Variants in COL4A2 observed in about 807,000 individuals in gnomAD.
COL4A2 encodes collagen type IV alpha 2 chain, also known as collagen alpha-2(IV) chain.
In COL4A2, 99 loss-of-function variants were observed where a neutral mutation model predicts 200.2. The ratio of observed to expected loss-of-function variants is 0.49; its 90% confidence interval spans 0.42 to 0.58. The LOEUF is 0.58. COL4A2 is among the 20% of genes least tolerant of loss of function. The probability of loss-of-function intolerance (pLI) is 0.00; values close to 1 mark genes in which losing one functional copy is unlikely to be tolerated. For synonymous variants in COL4A2, 897 were observed against 900.6 expected (o/e 1.00, Z 0.07); for missense variants, 1,950 against 2,314.1 (o/e 0.84, Z 3.23).
chr13:110,432,204 C>A (rs1359830683), intron 10 of COL4A2, 121 bp from the exon 11 acceptor site: 3 of 1,213,420 alleles, frequency 2.5e-6, no homozygotes, highest in East Asian at 3.1e-5. Flanking sequence ...TCAGAAACCT[C>A]CATGCATCCT....
intron 40 of COL4A2, among the ~76,000 whole-genome samples, chr13:110,500,134 C>T (rs1399577250): frequency 1.3e-5 from 2 of 152,222 alleles, no homozygotes; most frequent in Non-Finnish European, 2.9e-5. Context: ...ATAATGGATA[C>T]CAGGATCTTC....
chr13:110,436,495 T>C (rs968548673), intron 13 of COL4A2, 128 bp downstream of exon 13: 27 of 1,265,984 alleles, frequency 2.1e-5, no homozygotes, highest in Middle Eastern at 2.4e-4. Flanking sequence ...ACATTACCCA[T>C]GAAAACATAA....
rs184154442 is a variant in COL4A2, at chr13:110,486,803, G to A, written c.3207+967G>A. ...AGGAGTGGGGGTCACAAGGTGCTCA[G>A]TAGGGGAGCTTTTGAGCCAGGCTGA... is the stretch of plus-strand genomic sequence containing the variant. On this transcript the variant is annotated intron_variant, in intron 34 of 47. Transcript: ENST00000360467. Among the ~76,000 whole-genome samples the A allele has an allele frequency of 3.5e-3, 537 of 152,292 alleles. 4 individuals are homozygous for A. Among genetic ancestry groups the A allele is most frequent in the African/African-American group, 0.012 (490 of 41,550 alleles).
intron 40 of COL4A2, 143 bp from the exon 41 acceptor site, chr13:110,501,525 G>A (rs1052696478): frequency 3.0e-6 from 2 of 659,210 alleles, no homozygotes; most frequent in African/African-American, 3.7e-5. Flanking sequence ...ACCATGAGAT[G>A]TTCCTTGGCC....
intron 3 of COL4A2, among the ~76,000 whole-genome samples, chr13:110,333,875 C>T (rs748702085): frequency 2.0e-5 from 3 of 152,212 alleles, no homozygotes; most frequent in African/African-American, 7.2e-5. Context: ...GTGCTTTACA[C>T]GAATGACCTC....
rs757264758 is a variant in COL4A2 at position 110,450,378 on chromosome 13, C to T, written c.1263C>T (p.Tyr421=). Residue 421 remains tyrosine (Y), a synonymous_variant, in exon 20 of 48, where the codon TAC becomes TAT. Transcript: ENST00000360467. ...FIGDPGIPAL[Y]GGPPGPDGKR... ...GAGACCCCGGCATCCCTGCGCTCTA[C>T]GGGGGCCCACCTGGACCTGATGGAA... The T allele has an allele frequency of 2.1e-5, 34 of 1,613,882 alleles. No homozygotes were observed. Among genetic ancestry groups the T allele is most frequent in the Middle Eastern group, 1.6e-4 (1 of 6,080 alleles).
chr13:110,400,101 A>G (rs1432726940), intron 4 of COL4A2, among the ~76,000 whole-genome samples: 2 of 151,698 alleles, frequency 1.3e-5, no homozygotes, highest in Non-Finnish European at 1.5e-5. Flanking sequence ...TGCTTCTGCA[A>G]CCTCACTAAC....
chr13:110,472,813 T>A lies in COL4A2; in HGVS notation c.2204-116T>A. ...AGGGACAAGGGCTCGAGCTGAGGAATGCCTTCTGAGGACCCCATAGCCAAA... is the reference window on the plus strand; with the variant it reads ...AGGGACAAGGGCTCGAGCTGAGGAAAGCCTTCTGAGGACCCCATAGCCAAA... On this transcript the variant is annotated intron_variant, in intron 28 of 47. Transcript: ENST00000360467. 3.7e-6 allele frequency: 3 copies of A among 820,182 alleles called. No individual in the cohort carries two copies. In the South Asian group the frequency reaches 4.7e-5, roughly 13 times the overall value. The allele number at this position is 820,182 out of a possible 1,614,324, so 50.8% of individuals were successfully genotyped here.
At position 110,507,965 on chromosome 13, in the gene COL4A2, G is replaced by A. The variant is rs1287472634; in HGVS notation, c.4625G>A (p.Ser1542Asn). 6.2e-7 allele frequency: 1 copy of A among 1,613,964 alleles called. No homozygotes were observed. The highest frequency in any genetic ancestry group is 1.3e-5 in the African/African-American group (1 of 74,924). ...GLAGSCLARFSTMPFLYCNPG... is the reference protein window; with the variant it reads ...GLAGSCLARFNTMPFLYCNPG... ...GCGGGCTCCTGCCTGGCGCGGTTCAGCACCATGCCCTTCCTGTACTGCAAC... is the reference window on the plus strand; with the variant it reads ...GCGGGCTCCTGCCTGGCGCGGTTCAACACCATGCCCTTCCTGTACTGCAAC... Residue 1542 changes from serine (S) to asparagine (N), a missense_variant, in exon 47 of 48, where the codon AGC becomes AAC. Transcript: ENST00000360467.
chr13:110,400,807 T>C (rs1879347416), intron 4 of COL4A2, among the ~76,000 whole-genome samples: 1 of 152,210 alleles, frequency 6.6e-6, no homozygotes. Flanking sequence ...ATATTCTGGT[T>C]ACACAGGAAG....
Position 110,343,069 on chromosome 13 carries a change from G to A in COL4A2, c.100-14403G>A, listed in dbSNP as rs75947053. 2.4e-3 allele frequency among the ~76,000 whole-genome samples: 369 copies of A among 152,242 alleles called. 1 individual carries two copies. The highest frequency in any genetic ancestry group is 8.5e-3 in the African/African-American group (355 of 41,536). On this transcript the variant is annotated intron_variant, in intron 3 of 47. Transcript: ENST00000360467. ...ATTAGCCTTATCGACAGAGGTTAGC[G>A]TCCAAAACTTGGTCTAACCTAGTCC...
intron 4 of COL4A2, among the ~76,000 whole-genome samples, chr13:110,417,878 G>A (rs926486663): frequency 8.6e-5 from 13 of 152,016 alleles, no homozygotes; most frequent in African/African-American, 2.9e-4. Flanking sequence ...TACAGGTCTC[G>A]GTGTGGATAT....
chr13:110,321,206 G>GTATA (rs1392839509), intron 3 of COL4A2, among the ~76,000 whole-genome samples: 1 of 118,800 alleles, frequency 8.4e-6, no homozygotes, highest in Non-Finnish European at 1.8e-5. Context: ...ATGTGTCTGT[G>GTATA]TGTATATATA....
At chr13:110,334,351 C>T (rs1388147390) in intron 3 of COL4A2, among the ~76,000 whole-genome samples, 1 of 152,226 alleles carries the variant, frequency 6.6e-6, no homozygotes, top group African/African-American at 2.4e-5. Flanking sequence ...CCACCACCAT[C>T]TGCATGTTGG....
chr13:110,444,512 C>T (rs750255381), intron 16 of COL4A2, among the ~76,000 whole-genome samples: 2 of 152,192 alleles, frequency 1.3e-5, no homozygotes, highest in African/African-American at 2.4e-5. Context: ...CTCCACCTAG[C>T]GTGAGAGAAA....
intron 36 of COL4A2, 135 bp downstream of exon 36, chr13:110,489,920 A>G (rs1594105149): frequency 1.2e-6 from 1 of 865,820 alleles, no homozygotes; most frequent in Non-Finnish European, 1.8e-6. Flanking sequence ...TTCAAGTCCA[A>G]TGTGCAAGAA....
rs1021774041 is a variant in COL4A2 at position 110,489,906 on chromosome 13, G to A, written c.3346+121G>A. 4.0e-6 allele frequency: 4 copies of A among 998,810 alleles called. No homozygotes were observed. In the African/African-American group the frequency reaches 4.9e-5, roughly 12 times the overall value. 61.9% of individuals were successfully genotyped at this position (998,810 alleles called of 1,614,324 possible). A position where few individuals can be genotyped will look rare whatever the true frequency, so the allele number is the denominator to read the frequency against. ...CCAGAAAGCACTTGATAGTGAATGAGGTCTTCAAGTCCAATGTGCAAGAAA... is the reference window on the plus strand; with the variant it reads ...CCAGAAAGCACTTGATAGTGAATGAAGTCTTCAAGTCCAATGTGCAAGAAA... On this transcript the variant is annotated intron_variant, in intron 36 of 47. Coordinates refer to ENST00000360467, the MANE Select transcript of COL4A2 (RefSeq NM_001846.4).
At chr13:110,478,313 C>A in intron 30 of COL4A2, 149 bp downstream of exon 30, 1 of 662,396 alleles carries the variant, frequency 1.5e-6, no homozygotes, top group Non-Finnish European at 2.3e-6. Flanking sequence ...TGTATTTCAC[C>A]TAATAAGGAG....
intron 3 of COL4A2, among the ~76,000 whole-genome samples, chr13:110,334,933 A>G (rs1876106625): frequency 6.6e-6 from 1 of 152,176 alleles, no homozygotes; most frequent in Non-Finnish European, 1.5e-5. Flanking sequence ...AGTCAGATCC[A>G]CGCAGCCCGT....
Sources: gnomAD v4.1 joint callset for allele counts (sites outside exome capture counted in the v4.1 genomes callset) on GRCh38, gnomAD v4.1.1 for gene constraint, MANE v1.5 for transcripts, NCBI Gene and HGNC (gene_info 2026-07-23, HGNC 2026-07-21) for gene names.